CERKL: variants seen among roughly 807,000 people sequenced by gnomAD.
CERKL encodes CERK like autophagy regulator, also known as ceramide kinase-like protein.
Under a neutral mutation model 63.4 loss-of-function variants are expected in CERKL, and 61 were observed. The observed-to-expected ratio is 0.96, with a 90% CI of 0.78 to 1.19. The LOEUF (loss-of-function observed/expected upper bound fraction) is 1.19. CERKL is among the 50% of genes most tolerant of loss of function. CERKL has a pLI of 0.00. For synonymous variants in CERKL, 250 were observed against 230.5 expected (o/e 1.08, Z -0.77); for missense variants, 675 against 655.5 (o/e 1.03, Z -0.33).
intron 1 of CERKL, among the ~76,000 whole-genome samples, chr2:181,628,257 C>T (rs1686798122): frequency 6.6e-6 from 1 of 152,158 alleles, no homozygotes; most frequent in Admixed American, 6.5e-5. Context: ...ATGGTTTGCA[C>T]AGTGGTTCTC....
At chr2:181,576,757 A>C (rs573192460) in intron 2 of CERKL, among the ~76,000 whole-genome samples, 12 of 152,356 alleles carry the variant, frequency 7.9e-5, no homozygotes, top group Non-Finnish European at 5.9e-5. Context: ...TGGAGGTTAA[A>C]AGTTAGATTC....
intron 4 of CERKL, among the ~76,000 whole-genome samples, chr2:181,563,173 C>A (rs1688518328): frequency 6.6e-6 from 1 of 151,970 alleles, no homozygotes; most frequent in Non-Finnish European, 1.5e-5. Flanking sequence ...AAATAGGGAG[C>A]AATATAGAAT....
At chr2:181,646,602 G>C (rs1194795614) in intron 1 of CERKL, among the ~76,000 whole-genome samples, 1 of 152,190 alleles carries the variant, frequency 6.6e-6, no homozygotes, top group East Asian at 1.9e-4. Context: ...CATGTAATGA[G>C]GAACAGCAGA....
chr2:181,646,395 T>C (rs1270321961), intron 1 of CERKL, among the ~76,000 whole-genome samples: 1 of 152,214 alleles, frequency 6.6e-6, no homozygotes, highest in Non-Finnish European at 1.5e-5. Context: ...TACACAAACC[T>C]AAATAGCAAA....
At position 181,547,828 on chromosome 2, in the gene CERKL, TG is replaced by T; in HGVS notation, c.1152del (p.Lys385AsnfsTer10). ...DVQERRAQGS[P>X]KSDCNDQWQM... is the part of the protein sequence containing the mutation. ...GAGATACTTTTCGACTCACCAGATT[TG>T]GGAGATCCCTGTGCCCTCCTAAAAG... On this transcript the variant is annotated frameshift_variant, in exon 9 of 13. Coordinates refer to ENST00000410087, the MANE Select transcript of CERKL (RefSeq NM_201548.5). LOFTEE classifies it high-confidence loss of function. 6.2e-7 allele frequency: 1 copy of T among 1,614,034 alleles called. No homozygotes were observed. Among genetic ancestry groups the T allele is most frequent in the Non-Finnish European group, 8.5e-7 (1 of 1,180,012 alleles).
At chr2:181,597,080 T>C (rs1024856813) in intron 2 of CERKL, among the ~76,000 whole-genome samples, 2 of 152,196 alleles carry the variant, frequency 1.3e-5, no homozygotes, top group Non-Finnish European at 2.9e-5. Context: ...TAGTTTGTTA[T>C]GTCTGCAGAC....
intron 1 of CERKL, among the ~76,000 whole-genome samples, chr2:181,632,413 T>C (rs1687002772): frequency 1.3e-5 from 2 of 152,348 alleles, no homozygotes; most frequent in South Asian, 4.1e-4. Context: ...GTTCCTCTAG[T>C]GAACGAGCAT....
At chr2:181,656,110 C>T (rs2105564105) in intron 1 of CERKL, among the ~76,000 whole-genome samples, 1 of 152,258 alleles carries the variant, frequency 6.6e-6, no homozygotes, top group Middle Eastern at 3.4e-3. Context: ...AAACGTTAAG[C>T]AAACCGCTTG....
At chr2:181,636,963 T>C (rs988747920) in intron 1 of CERKL, among the ~76,000 whole-genome samples, 1 of 152,220 alleles carries the variant, frequency 6.6e-6, no homozygotes, top group Non-Finnish European at 1.5e-5. Flanking sequence ...AGAAATCATG[T>C]CAAATTGATT....
intron 1 of CERKL, among the ~76,000 whole-genome samples, chr2:181,639,959 AATGAAAATCTAGGAATGT>A (rs1687348704): frequency 6.6e-6 from 1 of 152,170 alleles, no homozygotes; most frequent in African/African-American, 2.4e-5. Context: ...CACTGTTTCT[AATGAAAATCTAGGAATGT>A]ACATGGGAAT....
chr2:181,572,776 C>T (rs1424273567), intron 3 of CERKL, among the ~76,000 whole-genome samples: 1 of 93,866 alleles, frequency 1.1e-5, no homozygotes, highest in Non-Finnish European at 2.1e-5. Context: ...TCCTACAAAA[C>T]TTGCTTTTTT....
intron 4 of CERKL, among the ~76,000 whole-genome samples, chr2:181,561,431 C>T (rs559707478): frequency 1.3e-5 from 2 of 148,276 alleles, no homozygotes; most frequent in East Asian, 2.0e-4. Flanking sequence ...AAAAATAGAT[C>T]ATAAGACTGA....
intron 1 of CERKL, among the ~76,000 whole-genome samples, chr2:181,607,258 G>T (rs185806181): frequency 2.6e-5 from 4 of 152,152 alleles, no homozygotes; most frequent in South Asian, 2.1e-4. Flanking sequence ...TCCCTGGACC[G>T]CACTTTGAAA....
At chr2:181,626,141 AT>A in intron 1 of CERKL, among the ~76,000 whole-genome samples, 1 of 152,242 alleles carries the variant, frequency 6.6e-6, no homozygotes, top group South Asian at 2.1e-4. Flanking sequence ...CCACCCTTCA[AT>A]TACTTTAAAG....
chr2:181,548,160 CTG>C (rs1687817022), intron 8 of CERKL: 6 of 536,278 alleles, frequency 1.1e-5, no homozygotes, highest in South Asian at 9.9e-5. Context: ...AGGGACAAAA[CTG>C]TGTGTTTTGT....
Position 181,573,869 on chromosome 2 carries a change from G to A in CERKL, c.497C>T (p.Pro166Leu), listed in dbSNP as rs1344137236. The A allele has an allele frequency of 5.0e-6, 8 of 1,612,144 alleles. No individual in the cohort carries two copies. The highest frequency in any genetic ancestry group is 2.7e-5 in the African/African-American group (2 of 74,762). Residue 166 changes from proline (P) to leucine (L), a missense_variant, in exon 3 of 13, where the codon CCG becomes CTG. Pro to Leu is a moderately conservative substitution (Grantham distance 98, BLOSUM62 -3). Coordinates refer to ENST00000410087, the MANE Select transcript of CERKL (RefSeq NM_201548.5). ...KKILAGFPNR[P>L]KSLKILLNPQ... The stretch of plus-strand genomic sequence containing the variant: ...GTTAAGGAGTATTTTTAATGACTTC[G>A]GTCTGTTTGGAAAGCCTAAGAAGAA...
intron 11 of CERKL, among the ~76,000 whole-genome samples, chr2:181,541,325 C>A (rs1687494217): frequency 6.6e-6 from 1 of 152,204 alleles, no homozygotes. Context: ...AACCTGCTGA[C>A]ATTGTCTTGC....
At chr2:181,608,380 G>T (rs887741309) in intron 1 of CERKL, among the ~76,000 whole-genome samples, 5 of 137,166 alleles carry the variant, frequency 3.6e-5, no homozygotes, top group African/African-American at 1.3e-4. Context: ...TTTTTATGTA[G>T]TCAAACCTAG....
At chr2:181,623,833 A>G (rs1686564385) in intron 1 of CERKL, among the ~76,000 whole-genome samples, 1 of 152,224 alleles carries the variant, frequency 6.6e-6, no homozygotes, top group Admixed American at 6.5e-5. Context: ...GTCTTTACTC[A>G]TCCCTCTTAG....
Sources: gnomAD v4.1 joint callset for allele counts (sites outside exome capture counted in the v4.1 genomes callset) on GRCh38, gnomAD v4.1.1 for gene constraint, MANE v1.5 for transcripts, NCBI Gene and HGNC (gene_info 2026-07-23, HGNC 2026-07-21) for gene names.